LRRC4C: variants seen among roughly 807,000 people sequenced by gnomAD.
LRRC4C encodes leucine rich repeat containing 4C, also known as leucine-rich repeat-containing protein 4C.
In LRRC4C, 5 loss-of-function variants were observed where a neutral mutation model predicts 33.6. The ratio of observed to expected loss-of-function variants is 0.15; its 90% confidence interval spans 0.08 to 0.31. The LOEUF (loss-of-function observed/expected upper bound fraction) is 0.31. LRRC4C is among the 10% of genes least tolerant of loss of function. The pLI is 1.00. For missense variants in LRRC4C, 560 were observed against 796.7 expected (o/e 0.70, Z 3.58); for synonymous variants, 329 against 302.0 (o/e 1.09, Z -0.93).
At chr11:41,171,546 AACAATAAGAACACATGG>A (rs1022912194) in intron 1 of LRRC4C, among the ~76,000 whole-genome samples, 9 of 150,974 alleles carry the variant, frequency 6.0e-5, no homozygotes, top group Non-Finnish European at 1.3e-4. Flanking sequence ...GTGGGAATTG[AACAATAAGAACACATGG>A]ACACAGGAAG....
In LRRC4C at chr11:41,030,983, A is replaced by G. The variant is rs553566448; in HGVS notation, c.-495-97260T>C. Among the ~76,000 whole-genome samples, 39 of 151,860 alleles carry G rather than the reference A, an allele frequency of 2.6e-4. 1 individual carries two copies. The South Asian group carries it at 7.5e-3, about 29-fold the overall frequency. ...TGTGCTTCTCTCTTGCTTTTTCCTT[A>G]TCTCACTTTAATTAGGCTTGCTGAA... is the stretch of plus-strand genomic sequence containing the variant. On this transcript the variant is annotated intron_variant, in intron 1 of 6. Transcript: ENST00000528697.
intron 2 of LRRC4C, among the ~76,000 whole-genome samples, chr11:40,900,149 C>A (rs1297827276): frequency 6.6e-6 from 1 of 152,042 alleles, no homozygotes; most frequent in Non-Finnish European, 1.5e-5. Flanking sequence ...TGCTTATTTA[C>A]AAATTTAAGA....
At chr11:40,286,880 C>T (rs1374963632) in intron 4 of LRRC4C, among the ~76,000 whole-genome samples, 1 of 152,160 alleles carries the variant, frequency 6.6e-6, no homozygotes, top group Admixed American at 6.6e-5. Context: ...ACAAACTGAG[C>T]ATTTCCTTCA....
intron 1 of LRRC4C, among the ~76,000 whole-genome samples, chr11:41,251,764 A>G (rs1297263216): frequency 6.6e-6 from 1 of 152,196 alleles, no homozygotes; most frequent in Non-Finnish European, 1.5e-5. Flanking sequence ...AAGTAACACA[A>G]AAATGAACCA....
intron 2 of LRRC4C, among the ~76,000 whole-genome samples, chr11:40,673,338 T>C (rs1329171141): frequency 1.3e-5 from 2 of 152,138 alleles, no homozygotes; most frequent in East Asian, 3.9e-4. Context: ...TCAGGTACAA[T>C]GTATGGCCAT....
intron 1 of LRRC4C, among the ~76,000 whole-genome samples, chr11:41,075,119 A>G (rs1939050816): frequency 1.8e-5 from 1 of 55,144 alleles, no homozygotes; most frequent in African/African-American, 9.7e-5. Context: ...TTACATATGT[A>G]TACATGTGCC....
intron 3 of LRRC4C, among the ~76,000 whole-genome samples, chr11:40,592,829 C>T (rs1306828159): frequency 6.6e-6 from 1 of 152,168 alleles, no homozygotes; most frequent in Non-Finnish European, 1.5e-5. Flanking sequence ...TGAACCAGCT[C>T]TACTGGGTGT....
intron 2 of LRRC4C, among the ~76,000 whole-genome samples, chr11:40,842,274 C>G (rs1952947233): frequency 1.3e-5 from 2 of 152,270 alleles, no homozygotes; most frequent in Admixed American, 1.3e-4. Flanking sequence ...CTTCTGCCTC[C>G]TGCATCCCAA....
intron 1 of LRRC4C, among the ~76,000 whole-genome samples, chr11:41,403,168 T>C (rs1954090784): frequency 6.6e-6 from 1 of 152,096 alleles, no homozygotes; most frequent in Admixed American, 6.6e-5. Flanking sequence ...GTGTGTTCTA[T>C]GTAAATATTC....
At chr11:41,171,510 C>A (rs953842173) in intron 1 of LRRC4C, among the ~76,000 whole-genome samples, 2 of 150,078 alleles carry the variant, frequency 1.3e-5, no homozygotes, top group Non-Finnish European at 3.0e-5. Context: ...GACAAAAAAC[C>A]AAACACTGCA....
In LRRC4C at chr11:40,581,115, G is replaced by A. The variant is rs143865657; in HGVS notation, c.-270+67027C>T. Among the ~76,000 whole-genome samples, 5 of 152,162 alleles carry A rather than the reference G, an allele frequency of 3.3e-5. No individual in the cohort carries two copies. The South Asian group carries it at 6.2e-4, about 19-fold the overall frequency. Reference sequence around the variant, plus strand: ...TTTTCCCATTCTCCTCTCTGAAACCGTTATCTTTGGGGCATGACAAATGTG... The same window carrying A: ...TTTTCCCATTCTCCTCTCTGAAACCATTATCTTTGGGGCATGACAAATGTG... On this transcript the variant is annotated intron_variant, in intron 3 of 6. Transcript: ENST00000528697.
intron 1 of LRRC4C, among the ~76,000 whole-genome samples, chr11:41,217,184 C>G (rs1350302270): frequency 6.6e-6 from 1 of 152,170 alleles, no homozygotes; most frequent in Non-Finnish European, 1.5e-5. Context: ...CCGCGTAGTT[C>G]TTCAGACAGT....
intron 2 of LRRC4C, among the ~76,000 whole-genome samples, chr11:40,872,848 T>C (rs1408157724): frequency 6.6e-6 from 1 of 152,226 alleles, no homozygotes; most frequent in African/African-American, 2.4e-5. Context: ...ACTGTGCTTC[T>C]CACTTTGAGA....
chr11:40,717,507 T>C (rs948865661), intron 2 of LRRC4C, among the ~76,000 whole-genome samples: 1 of 152,150 alleles, frequency 6.6e-6, no homozygotes, highest in South Asian at 2.1e-4. Context: ...ATGTTCTTAG[T>C]TATCCATAAA....
chr11:40,139,977 C>G (rs1196082415), intron 6 of LRRC4C, among the ~76,000 whole-genome samples: 1 of 152,090 alleles, frequency 6.6e-6, no homozygotes, highest in Non-Finnish European at 1.5e-5. Flanking sequence ...CTCATTTATA[C>G]CTTTGTTCTT....
At chr11:40,896,097 C>G (rs930822478) in intron 2 of LRRC4C, among the ~76,000 whole-genome samples, 1 of 152,084 alleles carries the variant, frequency 6.6e-6, no homozygotes, top group Non-Finnish European at 1.5e-5. Flanking sequence ...ACCTTGGAAC[C>G]CTTTATGTTT....
intron 1 of LRRC4C, among the ~76,000 whole-genome samples, chr11:41,404,897 G>T (rs1477334325): frequency 6.6e-6 from 1 of 152,004 alleles, no homozygotes; most frequent in Non-Finnish European, 1.5e-5. Flanking sequence ...CATTCTTATT[G>T]CCACTGGTAA....
At chr11:40,450,317 T>C (rs1043557554) in intron 3 of LRRC4C, among the ~76,000 whole-genome samples, 3 of 152,208 alleles carry the variant, frequency 2.0e-5, no homozygotes, top group African/African-American at 7.2e-5. Context: ...AATAGTTTTG[T>C]TGTTAATTAT....
At chr11:40,999,864 C>A (rs355255) in intron 1 of LRRC4C, among the ~76,000 whole-genome samples, 85,414 of 151,900 alleles carry the variant, frequency 0.56, 24,333 homozygotes, top group South Asian at 0.63. Flanking sequence ...TAACATTGGA[C>A]CTGGTGCTTG....
Sources: gnomAD v4.1 joint callset for allele counts (sites outside exome capture counted in the v4.1 genomes callset) on GRCh38, gnomAD v4.1.1 for gene constraint, MANE v1.5 for transcripts, NCBI Gene and HGNC (gene_info 2026-07-23, HGNC 2026-07-21) for gene names.